The following DHX57 variants were observed in gnomAD, a reference collection of about 807,000 sequenced individuals.
DHX57 encodes the protein DExH-box helicase 57, also known as putative ATP-dependent RNA helicase DHX57.
DHX57 carries 105 observed loss-of-function variants against 156.2 expected under a neutral mutation model. The observed-to-expected ratio is 0.67, with a 90% CI of 0.57 to 0.79. The LOEUF is 0.79. Ranked by LOEUF, DHX57 falls within the 30% of genes least tolerant of loss-of-function variation. DHX57 has a pLI of 0.00. For missense variants in DHX57, 1,847 were observed against 1,661.9 expected, an observed-to-expected ratio of 1.11 and a Z score of -1.94; for synonymous variants, 704 against 595.6, an observed-to-expected ratio of 1.18 and a Z score of -2.65.
At chr2:38,818,500 C>T (rs1670657040) in intron 19 of DHX57, among the ~76,000 whole-genome samples, 1 of 152,150 alleles carries the variant, frequency 6.6e-6, no homozygotes. Context: ...TGCATTCCAG[C>T]CTGGGAGACA....
chr2:38,806,386 G>A, intron 22 of DHX57, 173 bp downstream of exon 22: 1 of 671,288 alleles, frequency 1.5e-6, no homozygotes, highest in Non-Finnish European at 2.3e-6. Context: ...AATGGAAATA[G>A]TCTTTCCAGA....
intron 17 of DHX57, among the ~76,000 whole-genome samples, chr2:38,820,979 A>G (rs1022380959): frequency 2.0e-5 from 3 of 152,118 alleles, no homozygotes; most frequent in African/African-American, 7.2e-5. Flanking sequence ...ATGCTTGACC[A>G]TAAAACAAAG....
rs755706618 is a variant in DHX57 at position 38,823,224 on chromosome 2, C to T, written c.3060G>A (p.Val1020=). ...GTGGAGGTTCAATGAGCCGAGAGAACACAGACTGGAGATTATGAGCACTAA... is the reference window on the plus strand; with the variant it reads ...GTGGAGGTTCAATGAGCCGAGAGAATACAGACTGGAGATTATGAGCACTAA... The part of the protein sequence containing the change: ...EMFSAHNLQS[V]FSRLIEPPHT... The change falls in exon 17 of 24, where the codon GTG becomes GTA. Residue 1020 remains valine, a synonymous_variant. Coordinates refer to ENST00000457308, the MANE Select transcript of DHX57 (RefSeq NM_198963.3). 1 of 1,614,102 alleles carries T rather than the reference C, an allele frequency of 6.2e-7. No individual in the cohort carries two copies. Among genetic ancestry groups the T allele is most frequent in the Non-Finnish European group, 8.5e-7 (1 of 1,180,014 alleles).
At chr2:38,815,712 C>A in intron 19 of DHX57, 57 bp from the exon 20 acceptor site, 1 of 1,606,186 alleles carries the variant, frequency 6.2e-7, no homozygotes, top group South Asian at 1.1e-5. Flanking sequence ...AGTGTTAAGT[C>A]TTACAAAAAT....
chr2:38,806,898 A>G (rs1238454210), intron 21 of DHX57, among the ~76,000 whole-genome samples: 1 of 148,284 alleles, frequency 6.7e-6, no homozygotes. Context: ...AGAAGTATGA[A>G]TATAGGTGCA....
chr2:38,831,215 T>C (rs1462714199), intron 13 of DHX57, among the ~76,000 whole-genome samples: 1 of 152,054 alleles, frequency 6.6e-6, no homozygotes, highest in Non-Finnish European at 1.5e-5. Flanking sequence ...ATGTGCCTCA[T>C]CTGTCTGGGA....
chr2:38,873,555 C>G (rs1427259458), intron 1 of DHX57, among the ~76,000 whole-genome samples: 1 of 152,090 alleles, frequency 6.6e-6, no homozygotes, highest in African/African-American at 2.4e-5. Context: ...ACCACTGTAC[C>G]CTTAACACAG....
intron 20 of DHX57, among the ~76,000 whole-genome samples, chr2:38,814,744 CAG>C (rs1245434007): frequency 4.7e-5 from 7 of 150,040 alleles, no homozygotes; most frequent in African/African-American, 7.3e-5. Flanking sequence ...TTTTTTGAGA[CAG>C]AGTTTCGCTC....
intron 13 of DHX57, among the ~76,000 whole-genome samples, chr2:38,829,699 A>G (rs993435809): frequency 1.3e-5 from 2 of 152,284 alleles, no homozygotes; most frequent in Middle Eastern, 3.4e-3. Flanking sequence ...GACTACAGGC[A>G]TGCACCACCA....
intron 6 of DHX57, chr2:38,856,736 A>C (rs1672920975): frequency 4.2e-6 from 1 of 239,426 alleles, no homozygotes; most frequent in Admixed American, 5.2e-5. Flanking sequence ...TCCTGTGCTC[A>C]AGAATCCACC....
chr2:38,811,501 G>T (rs1048226643), intron 21 of DHX57: 8 of 830,162 alleles, frequency 9.6e-6, no homozygotes, highest in Non-Finnish European at 1.6e-5. Context: ...CCAAGGTTCA[G>T]TGCCTTCTTC....
chr2:38,817,111 T>C (rs1670582164), intron 19 of DHX57, among the ~76,000 whole-genome samples: 1 of 152,084 alleles, frequency 6.6e-6, no homozygotes, highest in Non-Finnish European at 1.5e-5. Context: ...TTATATTTTT[T>C]TGTAGAGATG....
chr2:38,833,495 G>T (rs979957302), intron 13 of DHX57, among the ~76,000 whole-genome samples: 1 of 152,032 alleles, frequency 6.6e-6, no homozygotes, highest in African/African-American at 2.4e-5. Context: ...CAACAGATAG[G>T]GTGGTCTGTA....
chr2:38,866,614 T>C (rs1016175063), intron 2 of DHX57, among the ~76,000 whole-genome samples: 3 of 152,192 alleles, frequency 2.0e-5, no homozygotes, highest in African/African-American at 7.2e-5. Context: ...AAGGACAATA[T>C]TTTACTCCCT....
rs1366413714 is a variant in DHX57 at position 38,813,905 on chromosome 2, A to C, written c.3607-10T>G. The stretch of plus-strand genomic sequence containing the variant: ...CAGCATTTGAGTTTGCCTATGAGAA[A>C]AGCACAGCATTAATTAACAAGTGAT... On this transcript the variant is annotated splice_polypyrimidine_tract_variant and intron_variant, in intron 20 of 23. Coordinates refer to ENST00000457308, the MANE Select transcript of DHX57 (RefSeq NM_198963.3). The C allele has an allele frequency of 6.2e-7, 1 of 1,612,186 alleles. No homozygotes were observed. The highest frequency in any genetic ancestry group is 1.1e-5 in the South Asian group (1 of 91,060).
At position 38,818,960 on chromosome 2, in the gene DHX57, C is replaced by G. The variant is rs1461526563; in HGVS notation, c.3388G>C (p.Gly1130Arg). 6.2e-7 allele frequency: 1 copy of G among 1,614,144 alleles called. No individual in the cohort carries two copies. Among genetic ancestry groups the G allele is most frequent in the Non-Finnish European group, 8.5e-7 (1 of 1,180,026 alleles). The change falls in exon 19 of 24, where the codon GGA (glycine) becomes CGA (arginine). Residue 1130 changes from glycine to arginine, a missense_variant and splice_region_variant. Coordinates refer to ENST00000457308, the MANE Select transcript of DHX57 (RefSeq NM_198963.3). ...CCTTCTTTTGTACTTAGCTGCCATC[C>G]CTAAATTTTGGAGAAAATCAAACTG... The part of the protein sequence containing the change: ...DYLALLQAYK[G>R]WQLSTKEGVR...
At chr2:38,846,070 T>C (rs1318018035) in intron 11 of DHX57, among the ~76,000 whole-genome samples, 8 of 152,058 alleles carry the variant, frequency 5.3e-5, no homozygotes, top group Non-Finnish European at 1.2e-4. Flanking sequence ...TTCACCATAT[T>C]GGCCAAGCTG....
intron 20 of DHX57, 50 bp downstream of exon 20, chr2:38,815,471 T>C (rs532770497): frequency 1.9e-6 from 3 of 1,610,776 alleles, no homozygotes; most frequent in East Asian, 2.2e-5. Context: ...GTTAAGATTG[T>C]ATTTAGGTGC....
chr2:38,799,841 G>C (rs1325478930), intron 23 of DHX57, among the ~76,000 whole-genome samples: 1 of 151,074 alleles, frequency 6.6e-6, no homozygotes, highest in Non-Finnish European at 1.5e-5. Context: ...GGATCACAAG[G>C]TCAGGAGTTT....
Sources: gnomAD v4.1 joint callset for allele counts (sites outside exome capture counted in the v4.1 genomes callset) on GRCh38, gnomAD v4.1.1 for gene constraint, MANE v1.5 for transcripts, NCBI Gene and HGNC (gene_info 2026-07-23, HGNC 2026-07-21) for gene names.